ZNF385D: variants seen among roughly 807,000 people sequenced by gnomAD.
ZNF385D encodes zinc finger protein 659.
In ZNF385D, 15 loss-of-function variants were observed where a neutral mutation model predicts 35.8. That is an observed-to-expected ratio of 0.42 (90% CI 0.28 to 0.64). The LOEUF (loss-of-function observed/expected upper bound fraction) is 0.64. Among genes scored for constraint, ZNF385D ranks in the 30% least tolerant of loss-of-function variants. The pLI is 0.23. For synonymous variants in ZNF385D, 212 were observed against 186.8 expected (o/e 1.13, Z -1.10); for missense variants, 474 against 494.6 (o/e 0.96, Z 0.39).
At chr3:22,009,670 A>AGAAG (rs1424962490) in intron 3 of ZNF385D, among the ~76,000 whole-genome samples, 3 of 151,864 alleles carry the variant, frequency 2.0e-5, no homozygotes, top group African/African-American at 7.2e-5. Flanking sequence ...ATCAAGGTGC[A>AGAAG]GAAGGATGTG....
rs184188047 is a variant in ZNF385D, at chr3:22,268,725, G to A, written c.107-99690C>T. ...CTATCAAAAAGCTATTGAGAGGCAC[G>A]TTATGTTATAAATGAAAGTATGCAT... On this transcript the variant is annotated intron_variant, in intron 2 of 5. Transcript: ENST00000494108. Among the ~76,000 whole-genome samples, 12 of 152,138 alleles carry A rather than the reference G, an allele frequency of 7.9e-5. No homozygotes were observed. In the East Asian group the frequency reaches 1.9e-3, roughly 25 times the overall value.
At chr3:22,204,704 G>GA (rs1240607834) in intron 2 of ZNF385D, among the ~76,000 whole-genome samples, 1 of 151,962 alleles carries the variant, frequency 6.6e-6, no homozygotes, top group Admixed American at 6.6e-5. Flanking sequence ...TTCTGGAATT[G>GA]AAAAATGCAA....
intron 1 of ZNF385D, among the ~76,000 whole-genome samples, chr3:21,721,503 A>C (rs2068539767): frequency 6.6e-6 from 1 of 152,148 alleles, no homozygotes; most frequent in Non-Finnish European, 1.5e-5. Flanking sequence ...CAAATATAAA[A>C]AAGTAACTTA....
intron 3 of ZNF385D, among the ~76,000 whole-genome samples, chr3:21,904,534 T>G (rs570282397): frequency 1.3e-5 from 2 of 152,306 alleles, no homozygotes; most frequent in South Asian, 4.1e-4. Flanking sequence ...TACGTTGAGT[T>G]GGCAAAGTCA....
At chr3:21,558,991 T>TTC in intron 3 of ZNF385D, among the ~76,000 whole-genome samples, 1 of 148,376 alleles carries the variant, frequency 6.7e-6, no homozygotes, top group African/African-American at 2.4e-5. Flanking sequence ...AACCCCTGCT[T>TTC]TTTTTTTTTT....
chr3:22,150,768 TTAG>T (rs1475911020), intron 3 of ZNF385D, among the ~76,000 whole-genome samples: 1 of 152,058 alleles, frequency 6.6e-6, no homozygotes, highest in Non-Finnish European at 1.5e-5. Context: ...ATATATATAA[TTAG>T]TAGAAGCTTT....
chr3:21,591,677 T>G lies in ZNF385D; in HGVS notation c.166-26993A>C, dbSNP rs180859176. 2.0e-5 allele frequency among the ~76,000 whole-genome samples: 3 copies of G among 152,170 alleles called. 1 individual carries two copies. The highest frequency in any genetic ancestry group is 2.0e-4 in the Admixed American group (3 of 15,268). On this transcript the variant is annotated intron_variant, in intron 2 of 7. Coordinates refer to ENST00000281523, the MANE Select transcript of ZNF385D (RefSeq NM_024697.3). ...AGGGTCACACCCTGAGCCTCCATTT[T>G]AGCAGGAAGCACTCCGCTTCTGAAG...
At chr3:22,112,838 TG>T (rs927645088) in intron 3 of ZNF385D, among the ~76,000 whole-genome samples, 1 of 147,778 alleles carries the variant, frequency 6.8e-6, no homozygotes, top group East Asian at 2.0e-4. Context: ...ACCCTTCCTA[TG>T]GGGGGGAAAA....
intron 3 of ZNF385D, among the ~76,000 whole-genome samples, chr3:21,814,432 G>T (rs1318502183): frequency 3.3e-5 from 5 of 152,118 alleles, no homozygotes; most frequent in Non-Finnish European, 5.9e-5. Context: ...CTGTATTCAG[G>T]AGACCCATCT....
intron 3 of ZNF385D, among the ~76,000 whole-genome samples, chr3:21,808,501 G>A (rs1047144390): frequency 5.3e-5 from 8 of 152,188 alleles, no homozygotes; most frequent in African/African-American, 1.9e-4. Context: ...ACTGGGCATG[G>A]CCATTGCAGA....
intron 3 of ZNF385D, among the ~76,000 whole-genome samples, chr3:22,045,333 A>C (rs923891903): frequency 1.3e-5 from 2 of 152,132 alleles, no homozygotes; most frequent in East Asian, 3.9e-4. Flanking sequence ...AATATAACAT[A>C]ATAAAAGCAT....
intron 3 of ZNF385D, among the ~76,000 whole-genome samples, chr3:21,815,923 A>C (rs1484775211): frequency 1.3e-5 from 2 of 152,214 alleles, no homozygotes; most frequent in African/African-American, 2.4e-5. Context: ...ATCGATGCAA[A>C]AATCCTCAAT....
At chr3:21,677,732 C>T (rs1008533118) in intron 1 of ZNF385D, among the ~76,000 whole-genome samples, 18 of 151,868 alleles carry the variant, frequency 1.2e-4, no homozygotes, top group Non-Finnish European at 1.5e-5. Flanking sequence ...ATAATAATAA[C>T]CACTCTAAAT....
intron 2 of ZNF385D, among the ~76,000 whole-genome samples, chr3:22,364,966 G>A (rs1696585581): frequency 6.6e-6 from 1 of 151,876 alleles, no homozygotes; most frequent in Non-Finnish European, 1.5e-5. Context: ...ATGAAATCAA[G>A]TTATGTGAAA....
chr3:21,825,856 C>T (rs114922575), intron 3 of ZNF385D, among the ~76,000 whole-genome samples: 308 of 152,260 alleles, frequency 2.0e-3, no homozygotes, highest in African/African-American at 7.1e-3. Flanking sequence ...AGGAGGTGAG[C>T]GCCGGGAAAG....
intron 3 of ZNF385D, among the ~76,000 whole-genome samples, chr3:21,980,462 G>A (rs1694368352): frequency 6.6e-6 from 1 of 152,136 alleles, no homozygotes; most frequent in African/African-American, 2.4e-5. Flanking sequence ...GCATTGAAGT[G>A]AAAAACAGTG....
intron 2 of ZNF385D, among the ~76,000 whole-genome samples, chr3:21,656,868 G>A (rs2066086915): frequency 6.6e-6 from 1 of 151,860 alleles, no homozygotes; most frequent in South Asian, 2.1e-4. Flanking sequence ...GTGTGGAGTA[G>A]AGGTCTCCAA....
At chr3:21,761,285 A>G (rs542506387) in intron 3 of ZNF385D, among the ~76,000 whole-genome samples, 1 of 152,268 alleles carries the variant, frequency 6.6e-6, no homozygotes, top group East Asian at 1.9e-4. Flanking sequence ...CAAATTCCCA[A>G]CCTACAACAA....
At chr3:21,592,542 G>T (rs1315604796) in intron 2 of ZNF385D, among the ~76,000 whole-genome samples, 1 of 56,080 alleles carries the variant, frequency 1.8e-5, no homozygotes, top group Admixed American at 1.6e-4. Flanking sequence ...TGTCTTCATG[G>T]CAAAAAAAAA....
Sources: allele counts gnomAD v4.1 joint callset (sites outside exome capture counted in the v4.1 genomes callset), GRCh38; gene constraint gnomAD v4.1.1; transcripts MANE v1.5; gene names NCBI Gene and HGNC (gene_info 2026-07-23, HGNC 2026-07-21).